Variants in NELL1 observed in about 807,000 individuals in gnomAD.
The protein encoded by NELL1 is neural EGFL like 1, also known as protein kinase C-binding protein NELL1.
NELL1 carries 76 observed loss-of-function variants against 107.4 expected under a neutral mutation model. The ratio of observed to expected loss-of-function variants is 0.71; its 90% CI spans 0.59 to 0.86. The LOEUF is 0.86. Among genes scored for constraint, NELL1 ranks in the 40% least tolerant of loss-of-function variants. The probability of loss-of-function intolerance (pLI) is 0.00; values close to 1 mark genes in which losing one functional copy is unlikely to be tolerated. For synonymous variants in NELL1, 353 were observed against 341.2 expected, an observed-to-expected ratio of 1.03 and a Z score of -0.38; for missense variants, 1,024 against 1,005.5, an observed-to-expected ratio of 1.02 and a Z score of -0.25.
intron 2 of NELL1, among the ~76,000 whole-genome samples, chr11:20,728,822 G>A (rs1187926112): frequency 6.6e-6 from 1 of 152,086 alleles, no homozygotes; most frequent in Non-Finnish European, 1.5e-5. Flanking sequence ...TTTCATCATA[G>A]TTTTTCCTAA....
chr11:21,249,231 G>C (rs142499190), intron 14 of NELL1, among the ~76,000 whole-genome samples: 179 of 152,210 alleles, frequency 1.2e-3, no homozygotes, highest in African/African-American at 3.9e-3. Flanking sequence ...TTGGTGTAGA[G>C]ATTATGCAAA....
intron 15 of NELL1, among the ~76,000 whole-genome samples, chr11:21,446,458 G>C (rs1337800043): frequency 6.6e-6 from 1 of 152,050 alleles, no homozygotes; most frequent in East Asian, 1.9e-4. Flanking sequence ...TTCACAGTCT[G>C]GGCTTGTTAC....
intron 12 of NELL1, among the ~76,000 whole-genome samples, chr11:20,979,553 C>T (rs150499350): frequency 7.2e-4 from 109 of 152,314 alleles, no homozygotes; most frequent in African/African-American, 2.3e-3. Flanking sequence ...ATGGAAAACA[C>T]GTTCAAACTG....
At chr11:21,146,433 G>A (rs1193719519) in intron 13 of NELL1, among the ~76,000 whole-genome samples, 2 of 152,156 alleles carry the variant, frequency 1.3e-5, no homozygotes, top group Non-Finnish European at 2.9e-5. Flanking sequence ...AGAGAGCCGG[G>A]GTCATGGAGC....
chr11:20,789,328 G>C (rs1363716040), intron 3 of NELL1, among the ~76,000 whole-genome samples: 2 of 152,230 alleles, frequency 1.3e-5, no homozygotes, highest in Non-Finnish European at 2.9e-5. Context: ...CTGCCACGGG[G>C]TGGGCAGCTC....
At chr11:21,323,934 C>A (rs1013264448) in intron 14 of NELL1, among the ~76,000 whole-genome samples, 1 of 152,112 alleles carries the variant, frequency 6.6e-6, no homozygotes. Context: ...TAACTCCAAG[C>A]TAAAAATAAT....
At chr11:20,709,576 G>C (rs988266679) in intron 2 of NELL1, among the ~76,000 whole-genome samples, 1 of 152,082 alleles carries the variant, frequency 6.6e-6, no homozygotes, top group African/African-American at 2.4e-5. Flanking sequence ...GTTCTGTGAA[G>C]AATTTTGATG....
chr11:20,825,563 A>T lies in NELL1; in HGVS notation c.336-22020A>T, dbSNP rs111704863. On this transcript the variant is annotated intron_variant, in intron 3 of 19. Transcript: ENST00000357134. ...TAAGATTTGATTATTGCCTCATTGGATTTCGAACTTGCATGGGCCTGCAGC... is the reference window on the plus strand; with the variant it reads ...TAAGATTTGATTATTGCCTCATTGGTTTTCGAACTTGCATGGGCCTGCAGC... Among the ~76,000 whole-genome samples, 237 of 151,358 alleles carry T rather than the reference A, an allele frequency of 1.6e-3. 15 individuals carry two copies. The highest frequency in any genetic ancestry group is 2.7e-3 in the Non-Finnish European group (180 of 67,556).
intron 15 of NELL1, among the ~76,000 whole-genome samples, chr11:21,499,843 C>A (rs1192411405): frequency 1.3e-5 from 2 of 152,066 alleles, no homozygotes; most frequent in African/African-American, 4.8e-5. Flanking sequence ...TAGCCCAGGG[C>A]TGTCTAACAC....
intron 12 of NELL1, among the ~76,000 whole-genome samples, chr11:21,047,045 T>C (rs1301724437): frequency 6.6e-6 from 1 of 152,094 alleles, no homozygotes; most frequent in Non-Finnish European, 1.5e-5. Context: ...TAAAAGCTTA[T>C]ATTTGTTTTT....
At chr11:20,883,071 A>C (rs978713549) in intron 4 of NELL1, among the ~76,000 whole-genome samples, 3 of 152,182 alleles carry the variant, frequency 2.0e-5, no homozygotes, top group African/African-American at 7.2e-5. Flanking sequence ...CAGTTTGTTG[A>C]TTCCACCTGC....
chr11:21,530,731 A>G (rs1004514892), intron 15 of NELL1, among the ~76,000 whole-genome samples: 24 of 152,144 alleles, frequency 1.6e-4, no homozygotes, highest in African/African-American at 5.8e-4. Context: ...TGTCTTTTAG[A>G]GGAAAATAAC....
At chr11:20,814,080 C>T (rs936397956) in intron 3 of NELL1, among the ~76,000 whole-genome samples, 97 of 152,084 alleles carry the variant, frequency 6.4e-4, no homozygotes, top group African/African-American at 2.2e-3. Context: ...ACTGCAAGCT[C>T]CACCTCCCGG....
intron 15 of NELL1, among the ~76,000 whole-genome samples, chr11:21,425,698 G>T (rs1025636908): frequency 3.3e-5 from 5 of 152,084 alleles, no homozygotes; most frequent in African/African-American, 1.2e-4. Flanking sequence ...CCTACTGTAA[G>T]GTGATAGATT....
intron 4 of NELL1, among the ~76,000 whole-genome samples, chr11:20,849,396 G>A (rs1848757134): frequency 6.6e-6 from 1 of 152,140 alleles, no homozygotes; most frequent in Non-Finnish European, 1.5e-5. Context: ...ATTTGTGGTG[G>A]TTGTTGTTAT....
intron 13 of NELL1, among the ~76,000 whole-genome samples, chr11:21,146,883 A>C (rs1017816678): frequency 6.6e-6 from 1 of 152,128 alleles, no homozygotes; most frequent in African/African-American, 2.4e-5. Context: ...GTCTCTGCTA[A>C]AAATACAAAA....
chr11:21,195,918 A>G (rs185208302), intron 13 of NELL1, among the ~76,000 whole-genome samples: 20 of 152,246 alleles, frequency 1.3e-4, no homozygotes, highest in Admixed American at 3.3e-4. Context: ...AAGTAATACT[A>G]TTTTTCAGCA....
At chr11:21,220,726 C>A (rs1298170457) in intron 13 of NELL1, among the ~76,000 whole-genome samples, 1 of 151,984 alleles carries the variant, frequency 6.6e-6, no homozygotes, top group Non-Finnish European at 1.5e-5. Context: ...TTGTATCCTG[C>A]AACTTTACTG....
At chr11:20,700,123 A>G (rs1465061232) in intron 2 of NELL1, among the ~76,000 whole-genome samples, 1 of 145,462 alleles carries the variant, frequency 6.9e-6, no homozygotes, top group Non-Finnish European at 1.5e-5. Context: ...AACTGTTTTT[A>G]GAAAAAACAA....
Sources: gnomAD v4.1 joint callset for allele counts (sites outside exome capture counted in the v4.1 genomes callset) on GRCh38, gnomAD v4.1.1 for gene constraint, MANE v1.5 for transcripts, NCBI Gene and HGNC (gene_info 2026-07-23, HGNC 2026-07-21) for gene names.